Variants in ZNF131 observed in about 807,000 individuals in gnomAD.
The protein encoded by ZNF131 is zinc finger protein 131.
A neutral mutation model predicts 60.0 loss-of-function variants in ZNF131; 7 were observed. That is an observed-to-expected ratio of 0.12 (90% CI 0.07 to 0.22). The LOEUF (loss-of-function observed/expected upper bound fraction) is 0.22, where lower values mean the gene tolerates loss of function less well. Among genes scored for constraint, ZNF131 ranks in the 10% least tolerant of loss-of-function variants. The pLI is 1.00. For synonymous variants in ZNF131, 257 were observed against 253.2 expected (o/e 1.01, Z -0.14); for missense variants, 493 against 740.9 (o/e 0.67, Z 3.88).
At chr5:43,173,584 A>G (rs1435880299) in intron 6 of ZNF131, 136 bp downstream of exon 6, 5 of 1,167,140 alleles carry the variant, frequency 4.3e-6, no homozygotes, top group Non-Finnish European at 5.7e-6. Flanking sequence ...AAAGAACATT[A>G]TTGTCTTGGG....
chr5:43,156,652 T>C (rs1394192605), intron 4 of ZNF131, among the ~76,000 whole-genome samples: 3 of 152,214 alleles, frequency 2.0e-5, no homozygotes, highest in African/African-American at 7.2e-5. Context: ...CCTTGATTCA[T>C]TGGCTCCCTG....
rs1229515091 is a variant in ZNF131, at chr5:43,158,919, T to C, written c.372-2330T>C. On this transcript the variant is annotated intron_variant, in intron 4 of 6. Transcript: ENST00000682664. ...AAGAGCTATGAGATTTTACTCTACT[T>C]GCAAGCCTACAAGTTTTCCTGCCAC... Among the ~76,000 whole-genome samples the C allele has an allele frequency of 6.6e-5, 10 of 152,216 alleles. No individual in the cohort carries two copies. In the East Asian group the frequency reaches 1.7e-3, roughly 26 times the overall value.
chr5:43,161,753 A>G lies in ZNF131; in HGVS notation c.876A>G (p.Ile292Met). ...SHSTESFKCE[I>M]CNKRYLRESA... Reference sequence around the variant, plus strand: ...CCACTGAGAGTTTCAAGTGTGAAATATGCAATAAACGATATCTTCGAGAGA... The same window carrying G: ...CCACTGAGAGTTTCAAGTGTGAAATGTGCAATAAACGATATCTTCGAGAGA... Residue 292 changes from isoleucine to methionine, a missense_variant, in exon 5 of 7, where the codon ATA (isoleucine) becomes ATG (methionine). Physicochemically the swap from Ile to Met is conservative, Grantham distance 10. Around this residue, in one of 7 missense-constraint regions of ZNF131, gnomAD observed 26 missense variants for 63.3 expected, o/e 0.41. Coordinates refer to ENST00000682664, the MANE Select transcript of ZNF131 (RefSeq NM_001330707.2). 1.9e-6 allele frequency: 3 copies of G among 1,614,260 alleles called. No individual in the cohort carries two copies. The highest frequency in any genetic ancestry group is 2.5e-6 in the Non-Finnish European group (3 of 1,180,036).
At chr5:43,130,982 G>A (rs975925975) in intron 3 of ZNF131, among the ~76,000 whole-genome samples, 10 of 152,222 alleles carry the variant, frequency 6.6e-5, no homozygotes, top group African/African-American at 2.2e-4. Context: ...TCCTGCCTCA[G>A]CCTCCTGAGT....
chr5:43,132,705 GT>G (rs577351179), intron 3 of ZNF131, among the ~76,000 whole-genome samples: 129 of 152,084 alleles, frequency 8.5e-4, no homozygotes, highest in African/African-American at 3.1e-3. Flanking sequence ...CAGAGATGGC[GT>G]TTCACCATGT....
At position 43,173,379 on chromosome 5, in the gene ZNF131, A is replaced by G; in HGVS notation, c.1116A>G (p.Lys372=). The G allele has an allele frequency of 1.2e-6, 2 of 1,613,336 alleles. No individual in the cohort carries two copies. The highest frequency in any genetic ancestry group is 1.7e-6 in the Non-Finnish European group (2 of 1,179,374). ...HERFARNSTL[K]CHLTACQTGV... ...GATTTGCTAGAAATAGCACTCTGAA[A>G]TGTCACCTCACTGCATGCCAAACTG... The change falls in exon 6 of 7, where the codon AAA becomes AAG. Residue 372 remains lysine, a synonymous_variant. Transcript: ENST00000682664.
rs1276737071 is a variant in ZNF131, at chr5:43,169,522, G to A, written c.1055-3796G>A. Among the ~76,000 whole-genome samples, 4 of 152,140 alleles carry A rather than the reference G, an allele frequency of 2.6e-5. No homozygotes were observed. In the East Asian group the frequency reaches 7.7e-4, roughly 29 times the overall value. On this transcript the variant is annotated intron_variant, in intron 5 of 6. Coordinates refer to ENST00000682664, the MANE Select transcript of ZNF131 (RefSeq NM_001330707.2). ...CTTTTGGGAAAACAAGCGAGCATGCGGTAGTACGGCATTATGCCATTTAAT... is the reference window on the plus strand; with the variant it reads ...CTTTTGGGAAAACAAGCGAGCATGCAGTAGTACGGCATTATGCCATTTAAT...
At chr5:43,132,719 G>A (rs1213772357) in intron 3 of ZNF131, among the ~76,000 whole-genome samples, 1 of 151,968 alleles carries the variant, frequency 6.6e-6, no homozygotes, top group Non-Finnish European at 1.5e-5. Context: ...CACCATGTTG[G>A]CCAGGGTGGT....
intron 4 of ZNF131, among the ~76,000 whole-genome samples, chr5:43,141,496 A>C (rs1396798675): frequency 6.6e-6 from 1 of 152,136 alleles, no homozygotes; most frequent in Non-Finnish European, 1.5e-5. Context: ...AGCCTGGCGC[A>C]GTGGCTGATA....
intron 4 of ZNF131, among the ~76,000 whole-genome samples, chr5:43,144,083 C>A (rs1293926723): frequency 6.6e-6 from 1 of 150,692 alleles, no homozygotes; most frequent in Non-Finnish European, 1.5e-5. Context: ...CCACCACGCC[C>A]AGCTAATATT....
rs1350100452 is a variant in ZNF131, at chr5:43,125,449, G to A, written c.226+2139G>A. Among the ~76,000 whole-genome samples, 4 of 150,750 alleles carry A rather than the reference G, an allele frequency of 2.7e-5. No homozygotes were observed. The East Asian group carries it at 6.2e-4, about 23-fold the overall frequency. Reference sequence around the variant, plus strand: ...GCTGGGATTACAGGCGTGAGACCACGACTGGCCAAGTCTGAGCAGAATTTT... The same window carrying A: ...GCTGGGATTACAGGCGTGAGACCACAACTGGCCAAGTCTGAGCAGAATTTT... On this transcript the variant is annotated intron_variant, in intron 3 of 6. Coordinates refer to ENST00000682664, the MANE Select transcript of ZNF131 (RefSeq NM_001330707.2).
chr5:43,147,273 C>G (rs1470523173), intron 4 of ZNF131, among the ~76,000 whole-genome samples: 1 of 151,786 alleles, frequency 6.6e-6, no homozygotes, highest in Non-Finnish European at 1.5e-5. Context: ...CTACTGTATA[C>G]AAATCTTTGA....
At chr5:43,125,450 A>C (rs1351493260) in intron 3 of ZNF131, among the ~76,000 whole-genome samples, 2 of 150,980 alleles carry the variant, frequency 1.3e-5, no homozygotes, top group Non-Finnish European at 2.9e-5. Context: ...TGAGACCACG[A>C]CTGGCCAAGT....
intron 4 of ZNF131, among the ~76,000 whole-genome samples, chr5:43,144,502 T>G (rs555510571): frequency 5.9e-5 from 9 of 152,284 alleles, no homozygotes; most frequent in Admixed American, 3.9e-4. Flanking sequence ...AGTACTGGGA[T>G]GACAGGCATG....
chr5:43,143,279 C>T (rs1747100237), intron 4 of ZNF131: 3 of 849,034 alleles, frequency 3.5e-6, no homozygotes, highest in African/African-American at 1.8e-5. Context: ...CCTCTGCCTC[C>T]CAAAGTGCTG....
chr5:43,175,377 A>G lies in ZNF131; in HGVS notation c.*244A>G, dbSNP rs550853000. On this transcript the variant is annotated 3_prime_UTR_variant, in exon 7 of 7. Coordinates refer to ENST00000682664, the MANE Select transcript of ZNF131 (RefSeq NM_001330707.2). ...AGTATATTTCTGGAAACTTAAATGG[A>G]TTATATTCTTATTATATAGTTGGGT... The G allele has an allele frequency of 9.7e-4, 666 of 683,808 alleles. No homozygotes were observed. The highest frequency in any genetic ancestry group is 1.5e-3 in the Non-Finnish European group (570 of 382,192). The allele number at this position is 683,808 out of a possible 1,614,324, so 42.4% of individuals were successfully genotyped here.
intron 3 of ZNF131, among the ~76,000 whole-genome samples, chr5:43,130,366 GAGAA>G (rs1396305038): frequency 1.3e-5 from 2 of 151,928 alleles, no homozygotes; most frequent in Non-Finnish European, 1.5e-5. Flanking sequence ...TGGTGAGGGA[GAGAA>G]AGAAATAATG....
chr5:43,154,400 C>G (rs1482431549), intron 4 of ZNF131, among the ~76,000 whole-genome samples: 1 of 150,680 alleles, frequency 6.6e-6, no homozygotes, highest in Non-Finnish European at 1.5e-5. Flanking sequence ...GGCTCCAGAG[C>G]GAGACTCCGT....
At chr5:43,130,542 C>A (rs1579725892) in intron 3 of ZNF131, among the ~76,000 whole-genome samples, 1 of 152,040 alleles carries the variant, frequency 6.6e-6, no homozygotes, top group East Asian at 1.9e-4. Flanking sequence ...TGTTTCGATT[C>A]TTTTACCACA....
Sources: allele counts gnomAD v4.1 joint callset (sites outside exome capture counted in the v4.1 genomes callset), GRCh38; gene constraint gnomAD v4.1.1; regional missense constraint gnomAD v4.1.1; transcripts MANE v1.5; gene names NCBI Gene and HGNC (gene_info 2026-07-23, HGNC 2026-07-21).